Variants in FBN2 observed in about 807,000 individuals in gnomAD.
FBN2 encodes the protein fibrillin 2, also known as fibrillin-2.
A neutral mutation model predicts 355.6 loss-of-function variants in FBN2; 105 were observed. That is an observed-to-expected ratio of 0.30 (90% CI 0.25 to 0.35). The LOEUF is 0.35. Ranked by LOEUF, FBN2 falls within the 10% of genes least tolerant of loss-of-function variation. FBN2 has a pLI of 1.00. For synonymous variants in FBN2, 1,350 were observed against 1,301.2 expected, an observed-to-expected ratio of 1.04 and a Z score of -0.81; for missense variants, 3,280 against 3,758.7, an observed-to-expected ratio of 0.87 and a Z score of 3.33.
chr5:128,261,804 T>C lies in FBN2; in HGVS notation c.8296A>G (p.Lys2766Glu). 6.2e-7 allele frequency: 1 copy of C among 1,614,254 alleles called. No homozygotes were observed. Among genetic ancestry groups the C allele is most frequent in the Non-Finnish European group, 8.5e-7 (1 of 1,180,030 alleles). The change falls in exon 64 of 65, where the codon AAA (lysine) becomes GAA (glutamate). Residue 2766 changes from lysine (K) to glutamate (E), a missense_variant. Lys to Glu is a moderately conservative substitution (Grantham distance 56). Coordinates refer to ENST00000262464, the MANE Select transcript of FBN2 (RefSeq NM_001999.4). Reference protein sequence around the residue: ...ALSPEACYECKINGYSKKDSR... With the variant: ...ALSPEACYECEINGYSKKDSR... ...TCTTTCTTAGAATAGCCGTTGATTT[T>C]GCACTCGTAGCATGCTTCTGGGGAC...
chr5:128,522,694 T>C (rs116989820), intron 4 of FBN2, among the ~76,000 whole-genome samples: 2 of 152,288 alleles, frequency 1.3e-5, no homozygotes, highest in East Asian at 3.9e-4. Context: ...AAATGGTGAA[T>C]TTCCTTTTCT....
intron 31 of FBN2, among the ~76,000 whole-genome samples, chr5:128,333,923 CCT>C: frequency 6.6e-6 from 1 of 150,922 alleles, no homozygotes; most frequent in Non-Finnish European, 1.5e-5. Flanking sequence ...GCAAAGAACA[CCT>C]TCTTTTATAA....
At chr5:128,456,892 C>T (rs1269351811) in intron 6 of FBN2, among the ~76,000 whole-genome samples, 1 of 152,182 alleles carries the variant, frequency 6.6e-6, no homozygotes, top group African/African-American at 2.4e-5. Context: ...CAGAGTGCCT[C>T]TTCTCCAAAT....
chr5:128,301,566 T>A, intron 46 of FBN2, 56 bp from the exon 47 acceptor site: 1 of 1,545,100 alleles, frequency 6.5e-7, no homozygotes, highest in South Asian at 1.1e-5. Flanking sequence ...GTATATTGTT[T>A]CACAAGACGC....
In FBN2 at chr5:128,377,656, C is replaced by T. The variant is rs116773938; in HGVS notation, c.1849+96G>A. 9.3e-4 allele frequency: 1,178 copies of T among 1,266,018 alleles called. 6 individuals carry two copies. The African/African-American group carries it at 0.013, about 14-fold the overall frequency. The allele number at this position is 1,266,018 out of a possible 1,614,324, so 78.4% of individuals were successfully genotyped here. A position where few individuals can be genotyped will look rare whatever the true frequency, so the allele number is the denominator to read the frequency against. ...CTAAGTTACCTGAAGATCTCACATACGTGGTGTGTGAGCTTTCATGGAAAT... is the reference window on the plus strand; with the variant it reads ...CTAAGTTACCTGAAGATCTCACATATGTGGTGTGTGAGCTTTCATGGAAAT... On this transcript the variant is annotated intron_variant, in intron 13 of 64. Coordinates refer to ENST00000262464, the MANE Select transcript of FBN2 (RefSeq NM_001999.4).
At chr5:128,387,521 C>T (rs1355799729) in intron 11 of FBN2, among the ~76,000 whole-genome samples, 2 of 152,030 alleles carry the variant, frequency 1.3e-5, no homozygotes, top group South Asian at 2.1e-4. Context: ...GGTTGGTTTG[C>T]TCTTATTTTT....
At chr5:128,360,359 G>A (rs1581240415) in intron 19 of FBN2, among the ~76,000 whole-genome samples, 1 of 152,040 alleles carries the variant, frequency 6.6e-6, no homozygotes, top group Non-Finnish European at 1.5e-5. Flanking sequence ...CTTAAAAAGA[G>A]GACTCTCATA....
At chr5:128,513,943 T>G (rs911166159) in intron 5 of FBN2, among the ~76,000 whole-genome samples, 15 of 152,138 alleles carry the variant, frequency 9.9e-5, no homozygotes, top group African/African-American at 3.6e-4. Flanking sequence ...GGTATTTCTC[T>G]GATGCCCATT....
At chr5:128,332,102 T>C (rs995329443) in intron 32 of FBN2, among the ~76,000 whole-genome samples, 1 of 152,198 alleles carries the variant, frequency 6.6e-6, no homozygotes, top group Non-Finnish European at 1.5e-5. Flanking sequence ...AATATTTGAA[T>C]GGATAAAAAA....
At chr5:128,337,943 C>T in intron 27 of FBN2, 54 bp downstream of exon 27, 1 of 1,602,932 alleles carries the variant, frequency 6.2e-7, no homozygotes, top group South Asian at 1.1e-5. Flanking sequence ...GAACTGATCC[C>T]TGGTCTTTAC....
chr5:128,361,553 C>A (rs553507816), intron 19 of FBN2, among the ~76,000 whole-genome samples, 170 bp downstream of exon 19: 2 of 152,236 alleles, frequency 1.3e-5, no homozygotes, highest in East Asian at 3.9e-4. Context: ...TGTTTGTAAA[C>A]TGTATTAGGT....
Position 128,259,131 on chromosome 5 carries a change from G to GAAA in FBN2, c.*321_*323dup, listed in dbSNP as rs536242166. On this transcript the variant is annotated 3_prime_UTR_variant, in exon 65 of 65. Coordinates refer to ENST00000262464, the MANE Select transcript of FBN2 (RefSeq NM_001999.4). ...CCAAAGTGTTACAGACTGCTAACAG[G>GAAA]AAAAAAAAAAAAAGCTCACATTATT... The GAAA allele has an allele frequency of 1.6e-4, 36 of 227,432 alleles. No homozygotes were observed. Among genetic ancestry groups the GAAA allele is most frequent in the African/African-American group, 3.1e-4 (13 of 41,934 alleles). 14.1% of individuals were successfully genotyped at this position (227,432 alleles called of 1,614,324 possible). A position where few individuals can be genotyped will look rare whatever the true frequency, so the allele number is the denominator to read the frequency against.
chr5:128,326,019 T>C (rs926019609), intron 34 of FBN2, among the ~76,000 whole-genome samples: 16 of 152,182 alleles, frequency 1.1e-4, no homozygotes, highest in African/African-American at 3.4e-4. Context: ...TTTGTTTTAT[T>C]TCTTGAGTTG....
At chr5:128,520,489 T>C (rs1317251258) in intron 4 of FBN2, among the ~76,000 whole-genome samples, 1 of 152,100 alleles carries the variant, frequency 6.6e-6, no homozygotes, top group South Asian at 2.1e-4. Flanking sequence ...TAAAGGGAAG[T>C]GGGGGGCCAA....
chr5:128,522,942 T>A (rs1248291900), intron 4 of FBN2, among the ~76,000 whole-genome samples: 2 of 152,180 alleles, frequency 1.3e-5, no homozygotes, highest in African/African-American at 4.8e-5. Flanking sequence ...ATGAGCTGGT[T>A]TCTTAGCTGC....
intron 34 of FBN2, among the ~76,000 whole-genome samples, chr5:128,324,619 C>CT (rs1166002656): frequency 0.05 from 6,894 of 137,644 alleles, 549 homozygotes; most frequent in African/African-American, 0.16. Context: ...TTTTCTTTTT[C>CT]TTTTTTTTTT....
intron 4 of FBN2, among the ~76,000 whole-genome samples, chr5:128,524,403 T>G (rs2112794169): frequency 6.6e-6 from 1 of 152,298 alleles, no homozygotes; most frequent in Non-Finnish European, 1.5e-5. Flanking sequence ...TATTTACCTT[T>G]TTAGTATTAA....
In FBN2 at chr5:128,305,651, A is replaced by C; in HGVS notation, c.5549-15T>G. ...CTCATCTATATCTGAAAGAGCAACA[A>C]TTCCATTTTAAAGAGTCCTTTTTAG... is the stretch of plus-strand genomic sequence containing the variant. On this transcript the variant is annotated splice_polypyrimidine_tract_variant and intron_variant, in intron 43 of 64. Coordinates refer to ENST00000262464, the MANE Select transcript of FBN2 (RefSeq NM_001999.4). 6.2e-7 allele frequency: 1 copy of C among 1,613,926 alleles called. No homozygotes were observed. Among genetic ancestry groups the C allele is most frequent in the Non-Finnish European group, 8.5e-7 (1 of 1,179,820 alleles).
rs1057524854 is a variant in FBN2 at position 128,350,982 on chromosome 5, G to C, written c.2698C>G (p.Leu900Val). The C allele has an allele frequency of 1.9e-6, 3 of 1,614,178 alleles. No homozygotes were observed. Among genetic ancestry groups the C allele is most frequent in the Non-Finnish European group, 1.7e-6 (2 of 1,180,034 alleles). The change falls in exon 21 of 65, where the codon CTC (leucine) becomes GTC (valine). Residue 900 changes from leucine to valine, a missense_variant. By Grantham distance (32) the Leu-to-Val change is conservative (BLOSUM62 1). Transcript: ENST00000262464. ...TCACAGCGGCTGTCCTGGATGTTGA[G>C]CCAACAGGTCCCCTTCAGGCTGTCT... is the stretch of plus-strand genomic sequence containing the variant. Reference protein sequence around the residue: ...CIDSLKGTCWLNIQDSRCEVN... With the variant: ...CIDSLKGTCWVNIQDSRCEVN...
Sources: gnomAD v4.1 joint callset for allele counts (sites outside exome capture counted in the v4.1 genomes callset) on GRCh38, gnomAD v4.1.1 for gene constraint, MANE v1.5 for transcripts, NCBI Gene and HGNC (gene_info 2026-07-23, HGNC 2026-07-21) for gene names.